The following ASTN2 variants were observed in gnomAD, a reference collection of about 807,000 sequenced individuals.
ASTN2 encodes the protein astrotactin-2.
A neutral mutation model predicts 139.8 loss-of-function variants in ASTN2; 54 were observed. The ratio of observed to expected loss-of-function variants is 0.39; its 90% CI spans 0.31 to 0.48. The LOEUF (loss-of-function observed/expected upper bound fraction) is 0.48, where lower values mean the gene tolerates loss of function less well. Ranked by LOEUF, ASTN2 falls within the 20% of genes least tolerant of loss-of-function variation. The pLI, the probability that ASTN2 is intolerant of heterozygous loss-of-function variation, is 0.95. For missense variants in ASTN2, 1,565 were observed against 1,725.1 expected (o/e 0.91, Z 1.64); for synonymous variants, 756 against 719.5 (o/e 1.05, Z -0.81).
At chr9:117,018,356 G>GA in intron 6 of ASTN2, among the ~76,000 whole-genome samples, 1 of 152,096 alleles carries the variant, frequency 6.6e-6, no homozygotes, top group Admixed American at 6.6e-5. Flanking sequence ...GAAATCTGCA[G>GA]AAACATCAGG....
At chr9:117,406,269 G>C (rs1830984257) in intron 1 of ASTN2, among the ~76,000 whole-genome samples, 1 of 152,214 alleles carries the variant, frequency 6.6e-6, no homozygotes, top group African/African-American at 2.4e-5. Context: ...CTTTTCATCA[G>C]TAGAGACTCC....
intron 10 of ASTN2, among the ~76,000 whole-genome samples, chr9:116,868,731 C>G (rs1833079703): frequency 6.6e-6 from 1 of 152,226 alleles, no homozygotes; most frequent in Admixed American, 6.5e-5. Context: ...GCCCTGGTCC[C>G]TCAGTAGGCT....
intron 19 of ASTN2, among the ~76,000 whole-genome samples, chr9:116,562,497 G>C (rs1184112454): frequency 1.3e-5 from 2 of 152,012 alleles, no homozygotes; most frequent in East Asian, 3.9e-4. Context: ...AGCACTTTGG[G>C]AGGCCTAGGC....
chr9:116,731,032 G>A (rs898540058), intron 14 of ASTN2, among the ~76,000 whole-genome samples: 2 of 151,816 alleles, frequency 1.3e-5, no homozygotes, highest in Non-Finnish European at 2.9e-5. Context: ...ATCCACTGGC[G>A]GCCTAACTCT....
chr9:116,820,175 A>T (rs890463135), intron 12 of ASTN2, among the ~76,000 whole-genome samples: 1 of 152,142 alleles, frequency 6.6e-6, no homozygotes, highest in Non-Finnish European at 1.5e-5. Flanking sequence ...GTGCCCTCAC[A>T]TTGCTACATT....
chr9:116,929,654 G>A (rs554345429), intron 10 of ASTN2, among the ~76,000 whole-genome samples: 2 of 152,232 alleles, frequency 1.3e-5, no homozygotes, highest in African/African-American at 4.8e-5. Flanking sequence ...ACAACCCTTT[G>A]CTGACTAATT....
At chr9:116,816,985 A>G (rs1318178314) in intron 12 of ASTN2, among the ~76,000 whole-genome samples, 3 of 152,100 alleles carry the variant, frequency 2.0e-5, no homozygotes, top group Non-Finnish European at 2.9e-5. Context: ...CAATATTTAA[A>G]TAGTATCCAT....
At chr9:116,976,015 AG>A (rs1437586736) in intron 9 of ASTN2, 98 bp downstream of exon 9, 2 of 1,130,542 alleles carry the variant, frequency 1.8e-6, no homozygotes, top group East Asian at 4.7e-5. Context: ...GCAGCTCAGA[AG>A]TGCACAGGCT....
At chr9:117,061,716 A>G (rs1355765824) in intron 5 of ASTN2, among the ~76,000 whole-genome samples, 2 of 152,218 alleles carry the variant, frequency 1.3e-5, no homozygotes, top group Admixed American at 6.5e-5. Context: ...TCTCTGAACA[A>G]GGAGATAAAT....
chr9:116,685,868 T>C (rs1860171909), intron 16 of ASTN2, among the ~76,000 whole-genome samples: 1 of 152,068 alleles, frequency 6.6e-6, no homozygotes, highest in Non-Finnish European at 1.5e-5. Context: ...TCAGTATGTC[T>C]GTATTGATAC....
In ASTN2 at chr9:116,467,154, T is replaced by G. The variant is rs570764249; in HGVS notation, c.3497+20205A>C. ...TTCTGAGATTAAAAGCATGAAGGAC[T>G]ATCAAAGTCTACAGTTGCTAGGTTC... On this transcript the variant is annotated intron_variant, in intron 20 of 22. Transcript: ENST00000313400. Among the ~76,000 whole-genome samples, 6 of 152,282 alleles carry G rather than the reference T, an allele frequency of 3.9e-5. No homozygotes were observed. In the South Asian group the frequency reaches 1.2e-3, roughly 32 times the overall value.
chr9:116,430,828 AGAGTCG>A (rs1847474342), intron 22 of ASTN2, among the ~76,000 whole-genome samples: 4 of 152,230 alleles, frequency 2.6e-5, no homozygotes, highest in African/African-American at 9.6e-5. Flanking sequence ...AGGAGAAGGA[AGAGTCG>A]GAGTGAGAGA....
At chr9:116,624,798 T>C (rs139504035) in intron 17 of ASTN2, among the ~76,000 whole-genome samples, 1 of 152,246 alleles carries the variant, frequency 6.6e-6, no homozygotes, top group East Asian at 1.9e-4. Context: ...CTCCACGGTA[T>C]TAACAAACTT....
intron 4 of ASTN2, among the ~76,000 whole-genome samples, chr9:117,113,164 G>GA (rs1564431480): frequency 6.6e-6 from 1 of 151,974 alleles, no homozygotes; most frequent in Non-Finnish European, 1.5e-5. Flanking sequence ...ATCCACTTTG[G>GA]AAAAAAACCC....
intron 17 of ASTN2, among the ~76,000 whole-genome samples, chr9:116,637,630 A>G (rs1857136003): frequency 6.6e-6 from 1 of 152,164 alleles, no homozygotes; most frequent in African/African-American, 2.4e-5. Flanking sequence ...ATGTATAGAA[A>G]AATACTTTGA....
chr9:116,459,381 G>A (rs889657985), intron 20 of ASTN2, among the ~76,000 whole-genome samples: 1 of 151,954 alleles, frequency 6.6e-6, no homozygotes, highest in South Asian at 2.1e-4. Flanking sequence ...TACATTAAAA[G>A]CATAAGCAAA....
intron 5 of ASTN2, among the ~76,000 whole-genome samples, chr9:117,090,331 C>T (rs146040322): frequency 5.3e-5 from 8 of 152,280 alleles, no homozygotes; most frequent in African/African-American, 1.9e-4. Flanking sequence ...GGTCTCTCCA[C>T]CTCTTTTTCT....
chr9:117,204,623 T>C (rs1233906900), intron 3 of ASTN2, among the ~76,000 whole-genome samples: 1 of 152,172 alleles, frequency 6.6e-6, no homozygotes, highest in Non-Finnish European at 1.5e-5. Flanking sequence ...ATTACTCATT[T>C]GGGTTGGGTT....
At chr9:116,753,889 A>G (rs550889542) in intron 13 of ASTN2, among the ~76,000 whole-genome samples, 10 of 151,938 alleles carry the variant, frequency 6.6e-5, no homozygotes, top group African/African-American at 1.9e-4. Context: ...TGCTGCACCC[A>G]TCAACCTCAA....
Sources: allele counts gnomAD v4.1 joint callset (sites outside exome capture counted in the v4.1 genomes callset), GRCh38; gene constraint gnomAD v4.1.1; transcripts MANE v1.5; gene names NCBI Gene and HGNC (gene_info 2026-07-23, HGNC 2026-07-21).